Variants in SSH1 observed in about 807,000 individuals in gnomAD.
SSH1 encodes slingshot protein phosphatase 1, also known as protein phosphatase Slingshot homolog 1.
SSH1 carries 43 observed loss-of-function variants against 79.7 expected under a neutral mutation model. That is an observed-to-expected ratio of 0.54 (90% CI 0.42 to 0.70). The LOEUF is 0.70. Among genes scored for constraint, SSH1 ranks in the 30% least tolerant of loss-of-function variants. The probability of loss-of-function intolerance (pLI) is 0.00; values close to 1 mark genes in which losing one functional copy is unlikely to be tolerated. For missense variants in SSH1, 1,206 were observed against 1,358.8 expected, an observed-to-expected ratio of 0.89 and a Z score of 1.77; for synonymous variants, 599 against 538.3, an observed-to-expected ratio of 1.11 and a Z score of -1.56.
chr12:108,813,594 C>T (rs115748504), intron 5 of SSH1, among the ~76,000 whole-genome samples: 4,114 of 150,490 alleles, frequency 0.027, 134 homozygotes, highest in African/African-American at 0.076. Flanking sequence ...GTGCCTGTGG[C>T]CTCGGCTACT....
chr12:108,792,431 G>A lies in SSH1; in HGVS notation c.1748C>T (p.Ser583Phe). 6.2e-7 allele frequency: 1 copy of A among 1,614,152 alleles called. No homozygotes were observed. Among genetic ancestry groups the A allele is most frequent in the Non-Finnish European group, 8.5e-7 (1 of 1,180,034 alleles). Reference protein sequence around the residue: ...EFGSPKGRSGSLLQVEETERE... With the variant: ...EFGSPKGRSGFLLQVEETERE... ...TTCCGTCTCCTCCACCTGCAGCAAG[G>A]AGCCGCTCCGACCTTTGGGACTCCC... Residue 583 changes from serine (S) to phenylalanine (F), a missense_variant, in exon 14 of 15, where the codon TCC becomes TTC. Ser to Phe is a radical substitution (Grantham distance 155). Transcript: ENST00000326495.
At chr12:108,811,591 CCCAGGGCTGGTGCTCTGCTGGCGGAGG>C in intron 5 of SSH1, 1 of 517,140 alleles carries the variant, frequency 1.9e-6, no homozygotes, top group East Asian at 3.6e-5. Flanking sequence ...GAGGCAGCTG[CCCAGGGCTGGTGCTCTGCTGGCGGAGG>C]CCACATGTGT....
At chr12:108,819,625 T>C (rs900536017) in intron 3 of SSH1, among the ~76,000 whole-genome samples, 2 of 152,108 alleles carry the variant, frequency 1.3e-5, no homozygotes, top group African/African-American at 4.8e-5. Context: ...GGCCAGGCAT[T>C]CAAGACCAGT....
chr12:108,788,575 T>C lies in SSH1; in HGVS notation c.2563A>G (p.Ile855Val). Reference protein sequence around the residue: ...DGPASRLEASIPEESQDPAAL... With the variant: ...DGPASRLEASVPEESQDPAAL... ...GCTGGATCCTGGCTCTCCTCGGGGA[T>C]GCTGGCCTCCAGCCTGCTGGCAGGG... The change falls in exon 15 of 15, where the codon ATC becomes GTC. Residue 855 changes from isoleucine to valine, a missense_variant. Physicochemically the swap from Ile to Val is conservative, Grantham distance 29. Transcript: ENST00000326495. 1 of 1,600,216 alleles carries C rather than the reference T, an allele frequency of 6.2e-7. No homozygotes were observed. Among genetic ancestry groups the C allele is most frequent in the Non-Finnish European group, 8.5e-7 (1 of 1,171,358 alleles).
intron 2 of SSH1, among the ~76,000 whole-genome samples, chr12:108,840,046 C>T (rs948965619): frequency 2.6e-5 from 4 of 152,222 alleles, no homozygotes; most frequent in Admixed American, 2.0e-4. Context: ...TCTGACCACA[C>T]GCAGGCTCTC....
Position 108,836,033 on chromosome 12 carries a change from A to ATATTAATATTAATATAATCGATTC in SSH1, c.111-12673_111-12672insGAATCGATTATATTAATATTAATA, listed in dbSNP as rs1255478654. On this transcript the variant is annotated intron_variant, in intron 2 of 14. Transcript: ENST00000326495. ...TATAACTATATTAATATAATCGATTATATTAATATTAATATAATCAATATT... is the reference window on the plus strand; with the variant it reads ...TATAACTATATTAATATAATCGATTATATTAATATTAATATAATCGATTCTATTAATATTAATATAATCAATATT... Among the ~76,000 whole-genome samples, 88 of 144,956 alleles carry ATATTAATATTAATATAATCGATTC rather than the reference A, an allele frequency of 6.1e-4. 7 individuals carry two copies. Among genetic ancestry groups the ATATTAATATTAATATAATCGATTC allele is most frequent in the Non-Finnish European group, 9.2e-4 (60 of 65,340 alleles).
intron 2 of SSH1, among the ~76,000 whole-genome samples, chr12:108,840,419 G>C (rs537879695): frequency 4.5e-4 from 69 of 152,164 alleles, no homozygotes; most frequent in Non-Finnish European, 1.5e-5. Context: ...TATAGTCCTA[G>C]CTACCCAAGA....
intron 2 of SSH1, among the ~76,000 whole-genome samples, chr12:108,838,637 A>G (rs2038700338): frequency 6.6e-6 from 1 of 152,176 alleles, no homozygotes; most frequent in South Asian, 2.1e-4. Flanking sequence ...CTCACCTCTT[A>G]AGACCACAAA....
rs1350885533 is a variant in SSH1 at position 108,788,484 on chromosome 12, G to A, written c.2654C>T (p.Ala885Val). The A allele has an allele frequency of 6.4e-7, 1 of 1,556,112 alleles. No homozygotes were observed. The highest frequency in any genetic ancestry group is 1.9e-5 in the Admixed American group (1 of 51,462). The stretch of plus-strand genomic sequence containing the variant: ...GCCTCCTTCCAATGAAGCGGGGGCG[G>A]CCTCTGACTTCTCATCACTCCCGGC... ...SQAGSDEKSE[A>V]APASLEGGSL... The change falls in exon 15 of 15, where the codon GCC (alanine) becomes GTC (valine). Residue 885 changes from alanine (A) to valine (V), a missense_variant. Physicochemically the swap from Ala to Val is moderately conservative, Grantham distance 64. This residue lies in a region of SSH1 where 709 missense variants were observed against 730.6 expected (regional missense o/e 0.97). Coordinates refer to ENST00000326495, the MANE Select transcript of SSH1 (RefSeq NM_018984.4).
intron 2 of SSH1, among the ~76,000 whole-genome samples, chr12:108,847,195 G>A (rs2038918095): frequency 6.6e-6 from 1 of 152,166 alleles, no homozygotes. Flanking sequence ...CACTGGGCCT[G>A]GCCTAGACAA....
chr12:108,796,457 T>G (rs116214661), intron 13 of SSH1, among the ~76,000 whole-genome samples: 1 of 152,256 alleles, frequency 6.6e-6, no homozygotes, highest in Admixed American at 6.5e-5. Context: ...GTAGTTCTTT[T>G]CGTGATTTGC....
At chr12:108,839,113 C>T (rs184374569) in intron 2 of SSH1, among the ~76,000 whole-genome samples, 8 of 152,310 alleles carry the variant, frequency 5.3e-5, no homozygotes, top group Admixed American at 5.2e-4. Context: ...ACACAGAATC[C>T]CTGGCATTTG....
chr12:108,822,345 G>A (rs2038153393), intron 3 of SSH1, among the ~76,000 whole-genome samples: 1 of 152,098 alleles, frequency 6.6e-6, no homozygotes, highest in Non-Finnish European at 1.5e-5. Flanking sequence ...TGTTGTTCGG[G>A]TTAGTCTGGA....
chr12:108,833,132 C>T (rs1322987488), intron 2 of SSH1, among the ~76,000 whole-genome samples: 1 of 151,852 alleles, frequency 6.6e-6, no homozygotes, highest in African/African-American at 2.4e-5. Context: ...CTGAACTGAC[C>T]AGCGAGCTCG....
At chr12:108,800,402 T>G (rs1029228686) in intron 12 of SSH1, among the ~76,000 whole-genome samples, 40 of 152,134 alleles carry the variant, frequency 2.6e-4, no homozygotes, top group African/African-American at 8.9e-4. Context: ...CCCCTAGCCC[T>G]CTTTGGCTCA....
intron 2 of SSH1, chr12:108,837,059 T>C (rs2038652675): frequency 2.3e-6 from 1 of 432,680 alleles, no homozygotes; most frequent in African/African-American, 2.0e-5. Flanking sequence ...GGCAACACCC[T>C]ATTCTCTACT....
rs577191680 is a variant in SSH1 at position 108,794,975 on chromosome 12, C to T, written c.1350-2146G>A. On this transcript the variant is annotated intron_variant, in intron 13 of 14. Coordinates refer to ENST00000326495, the MANE Select transcript of SSH1 (RefSeq NM_018984.4). ...CTCTATTGTCTATGTTATGCAAAAACGCAGATTCACTGAGCCAGATGAAGG... is the reference window on the plus strand; with the variant it reads ...CTCTATTGTCTATGTTATGCAAAAATGCAGATTCACTGAGCCAGATGAAGG... 1.8e-4 allele frequency among the ~76,000 whole-genome samples: 27 copies of T among 152,256 alleles called. No homozygotes were observed. In the South Asian group the frequency reaches 4.4e-3, roughly 25 times the overall value.
At chr12:108,798,024 A>C (rs2036826364) in intron 13 of SSH1, among the ~76,000 whole-genome samples, 1 of 152,232 alleles carries the variant, frequency 6.6e-6, no homozygotes, top group Non-Finnish European at 1.5e-5. Context: ...CCTTAGGGTC[A>C]CAGGCACCCA....
At chr12:108,833,584 G>A (rs2038526142) in intron 2 of SSH1, 1 of 152,122 alleles carries the variant, frequency 6.6e-6, no homozygotes, top group Admixed American at 6.6e-5. Flanking sequence ...CCCAGTTCTG[G>A]CCCTCCTCAC....
Sources: gnomAD v4.1 joint callset for allele counts (sites outside exome capture counted in the v4.1 genomes callset) on GRCh38, gnomAD v4.1.1 for gene constraint, gnomAD v4.1.1 regional missense constraint, MANE v1.5 for transcripts, NCBI Gene and HGNC (gene_info 2026-07-23, HGNC 2026-07-21) for gene names.